Variants in ANO10 observed in about 807,000 individuals in gnomAD.
ANO10 encodes the protein anoctamin 10.
Under a neutral mutation model 74.7 loss-of-function variants are expected in ANO10, and 77 were observed. The observed-to-expected ratio is 1.03, with a 90% CI of 0.86 to 1.25. The LOEUF is 1.25. Ranked by LOEUF, ANO10 falls within the 50% of genes most tolerant of loss-of-function variation. The pLI is 0.00. For synonymous variants in ANO10, 279 were observed against 284.9 expected (o/e 0.98, Z 0.21); for missense variants, 721 against 778.1 (o/e 0.93, Z 0.87).
At chr3:43,662,585 C>T (rs1373817656) in intron 1 of ANO10, among the ~76,000 whole-genome samples, 1 of 151,518 alleles carries the variant, frequency 6.6e-6, no homozygotes. Context: ...GAGATAGAGA[C>T]ACAAAAAAAT....
intron 9 of ANO10, among the ~76,000 whole-genome samples, chr3:43,557,305 AG>A (rs899171570): frequency 1.3e-5 from 2 of 152,212 alleles, no homozygotes; most frequent in Non-Finnish European, 2.9e-5. Flanking sequence ...AAATCTTATG[AG>A]AAATAAGATC....
chr3:43,510,380 G>A (rs55857234), intron 11 of ANO10, among the ~76,000 whole-genome samples: 2,352 of 148,264 alleles, frequency 0.016, 68 homozygotes, highest in African/African-American at 0.054. Context: ...GCAGTGAGCC[G>A]AGATTGTGCC....
At position 43,612,138 on chromosome 3, in the gene ANO10, TTTTATA is replaced by T. The variant is rs1272705658; in HGVS notation, c.-11-6281_-11-6276del. Among the ~76,000 whole-genome samples, 183 of 89,210 alleles carry T rather than the reference TTTTATA, an allele frequency of 2.1e-3. 1 individual carries two copies. The highest frequency in any genetic ancestry group is 7.7e-3 in the African/African-American group (160 of 20,748). 58.5% of individuals were successfully genotyped at this position (89,210 alleles called of 152,430 possible). A position where few individuals can be genotyped will look rare whatever the true frequency, so the allele number is the denominator to read the frequency against. On this transcript the variant is annotated intron_variant, in intron 1 of 12. Coordinates refer to ENST00000292246, the MANE Select transcript of ANO10 (RefSeq NM_018075.5). ...GCAGTGGAATAAAGAAAATTAAATA[TTTTATA>T]TATATATATATATATATATATATAT...
At chr3:43,586,920 T>C (rs988631268) in intron 4 of ANO10, among the ~76,000 whole-genome samples, 7 of 152,076 alleles carry the variant, frequency 4.6e-5, no homozygotes, top group Non-Finnish European at 1.0e-4. Context: ...AAGAAAAGTA[T>C]GTAAGAACAA....
intron 12 of ANO10, among the ~76,000 whole-genome samples, chr3:43,371,337 G>C (rs754956382): frequency 1.3e-5 from 2 of 152,094 alleles, no homozygotes; most frequent in Non-Finnish European, 2.9e-5. Context: ...GGCCACATAG[G>C]GTGTCTAGGA....
chr3:43,400,372 G>A (rs1231956352), intron 12 of ANO10, among the ~76,000 whole-genome samples: 1 of 151,966 alleles, frequency 6.6e-6, no homozygotes, highest in Non-Finnish European at 1.5e-5. Flanking sequence ...CAGCAATACT[G>A]GATGAAAGCC....
intron 12 of ANO10, among the ~76,000 whole-genome samples, chr3:43,408,847 T>A (rs897419177): frequency 6.6e-6 from 1 of 151,086 alleles, no homozygotes; most frequent in Non-Finnish European, 1.5e-5. Flanking sequence ...CTGGCCAACA[T>A]GGTGAAACCC....
intron 11 of ANO10, among the ~76,000 whole-genome samples, chr3:43,494,343 C>T (rs1448150465): frequency 1.3e-5 from 2 of 152,144 alleles, no homozygotes; most frequent in African/African-American, 4.8e-5. Context: ...ATCCCAGCTA[C>T]TCAGGCGGCT....
chr3:43,383,181 C>T (rs1006286629), intron 12 of ANO10, among the ~76,000 whole-genome samples: 6 of 152,014 alleles, frequency 3.9e-5, no homozygotes, highest in African/African-American at 4.8e-5. Flanking sequence ...TGGCCGGGTG[C>T]GGTGGCTCAT....
intron 1 of ANO10, among the ~76,000 whole-genome samples, chr3:43,672,378 A>G (rs1288498870): frequency 6.6e-6 from 1 of 152,038 alleles, no homozygotes; most frequent in Non-Finnish European, 1.5e-5. Flanking sequence ...TAAAAGAAAT[A>G]AGTAAATTAA....
chr3:43,527,346 T>C (rs2149237231), intron 11 of ANO10, among the ~76,000 whole-genome samples: 1 of 152,188 alleles, frequency 6.6e-6, no homozygotes, highest in South Asian at 2.1e-4. Context: ...GTATGATAAT[T>C]CAAATAATAT....
At chr3:43,487,608 T>C (rs2076546975) in intron 11 of ANO10, among the ~76,000 whole-genome samples, 1 of 152,190 alleles carries the variant, frequency 6.6e-6, no homozygotes, top group Admixed American at 6.5e-5. Context: ...GTTTGTAGTA[T>C]TCTCTGAGGG....
chr3:43,646,401 T>C (rs2083726490), intron 1 of ANO10, among the ~76,000 whole-genome samples: 2 of 152,164 alleles, frequency 1.3e-5, no homozygotes, highest in African/African-American at 2.4e-5. Flanking sequence ...ATATGCTCAT[T>C]GTAACAGCAT....
chr3:43,504,386 GA>G (rs1222295370), intron 11 of ANO10, among the ~76,000 whole-genome samples: 1 of 151,276 alleles, frequency 6.6e-6, no homozygotes, highest in African/African-American at 2.4e-5. Flanking sequence ...ATCTACAGGT[GA>G]AAAAAAACCA....
intron 11 of ANO10, among the ~76,000 whole-genome samples, chr3:43,453,912 C>T (rs2075005770): frequency 6.6e-6 from 1 of 152,216 alleles, no homozygotes; most frequent in Non-Finnish European, 1.5e-5. Context: ...ACATACCAGA[C>T]ACTCTCTAGG....
chr3:43,568,888 A>C (rs2149374850), intron 7 of ANO10, among the ~76,000 whole-genome samples: 1 of 150,880 alleles, frequency 6.6e-6, no homozygotes, highest in East Asian at 1.9e-4. Flanking sequence ...AAAATGAATG[A>C]ATCCAGGAGC....
At chr3:43,639,829 T>G (rs575258672) in intron 1 of ANO10, among the ~76,000 whole-genome samples, 45 of 152,208 alleles carry the variant, frequency 3.0e-4, no homozygotes, top group Admixed American at 5.2e-4. Context: ...TTCTGCCTTT[T>G]TAGAAAGTAG....
intron 12 of ANO10, among the ~76,000 whole-genome samples, chr3:43,371,627 C>T (rs1350249326): frequency 6.6e-6 from 1 of 152,204 alleles, no homozygotes; most frequent in African/African-American, 2.4e-5. Context: ...AAGGGAGGAT[C>T]AACTTCGAGC....
At chr3:43,380,169 G>A (rs768386771) in intron 12 of ANO10, among the ~76,000 whole-genome samples, 14 of 152,040 alleles carry the variant, frequency 9.2e-5, no homozygotes, top group Non-Finnish European at 1.6e-4. Flanking sequence ...CAAAGCCTCC[G>A]AGAAGTTTGG....
Sources: allele counts gnomAD v4.1 joint callset (sites outside exome capture counted in the v4.1 genomes callset), GRCh38; gene constraint gnomAD v4.1.1; transcripts MANE v1.5; gene names NCBI Gene and HGNC (gene_info 2026-07-23, HGNC 2026-07-21).